The following SLC38A1 variants were observed in gnomAD, a reference collection of about 807,000 sequenced individuals.
The protein encoded by SLC38A1 is solute carrier family 38 member 1.
In SLC38A1, 18 loss-of-function variants were observed where a neutral mutation model predicts 60.3. The observed-to-expected ratio is 0.30, with a 90% CI of 0.21 to 0.44. SLC38A1 has a LOEUF of 0.44. SLC38A1 is among the 20% of genes least tolerant of loss of function. The pLI, the probability that SLC38A1 is intolerant of heterozygous loss-of-function variation, is 1.00. For missense variants in SLC38A1, 448 were observed against 587.2 expected (o/e 0.76, Z 2.45); for synonymous variants, 196 against 212.1 (o/e 0.92, Z 0.66).
At chr12:46,200,432 CAT>C (rs1161222677) in intron 13 of SLC38A1, among the ~76,000 whole-genome samples, 1 of 151,098 alleles carries the variant, frequency 6.6e-6, no homozygotes, top group Admixed American at 6.6e-5. Flanking sequence ...TATATATACA[CAT>C]ATATATATTT....
chr12:46,199,546 T>TG (rs1160033767), intron 13 of SLC38A1, among the ~76,000 whole-genome samples: 9 of 149,314 alleles, frequency 6.0e-5, no homozygotes, highest in Non-Finnish European at 1.3e-4. Context: ...TTTGTAGAGA[T>TG]GGGGGTCTCA....
chr12:46,261,395 T>C (rs1245552756), intron 1 of SLC38A1, among the ~76,000 whole-genome samples: 2 of 152,220 alleles, frequency 1.3e-5, no homozygotes, highest in Non-Finnish European at 2.9e-5. Flanking sequence ...ATCTTTTTAT[T>C]TACAATTTCA....
At chr12:46,258,924 G>C (rs1225947518) in intron 1 of SLC38A1, among the ~76,000 whole-genome samples, 1 of 152,180 alleles carries the variant, frequency 6.6e-6, no homozygotes, top group Non-Finnish European at 1.5e-5. Context: ...AAAGTGCTGG[G>C]ATTACAGGCG....
chr12:46,195,283 A>T (rs1939318026), intron 16 of SLC38A1, among the ~76,000 whole-genome samples: 1 of 152,168 alleles, frequency 6.6e-6, no homozygotes, highest in Non-Finnish European at 1.5e-5. Flanking sequence ...AGAATAGCAA[A>T]TATTGCTGCC....
intron 12 of SLC38A1, among the ~76,000 whole-genome samples, chr12:46,202,170 T>C (rs1480286471): frequency 6.9e-6 from 1 of 144,726 alleles, no homozygotes; most frequent in Non-Finnish European, 1.5e-5. Context: ...ACAGCCTGGG[T>C]GACAGAGGGA....
chr12:46,256,165 CA>C (rs61078872), intron 1 of SLC38A1, among the ~76,000 whole-genome samples: 16,272 of 69,188 alleles, frequency 0.24, 938 homozygotes, highest in African/African-American at 0.32. Flanking sequence ...GGTTCTATCT[CA>C]AAAAAAAAAA....
At position 46,186,248 on chromosome 12, in the gene SLC38A1, A is replaced by C. The variant is rs182567659; in HGVS notation, c.*2722T>G. The C allele has an allele frequency of 6.6e-6, 1 of 152,186 alleles. No individual in the cohort carries two copies. The allele number at this position is 152,186 out of a possible 1,614,324, so 9.4% of individuals were successfully genotyped here. A position where few individuals can be genotyped will look rare whatever the true frequency, so the allele number is the denominator to read the frequency against. On this transcript the variant is annotated 3_prime_UTR_variant, in exon 17 of 17. Coordinates refer to ENST00000398637, the MANE Select transcript of SLC38A1 (RefSeq NM_030674.4). ...TATTTCATCAGCCCCACTTCCAATA[A>C]GTAACATTAAGTAAATTAGGGATTG...
In SLC38A1 at chr12:46,198,684, T is replaced by G; in HGVS notation, c.1063A>C (p.Thr355Pro). The G allele has an allele frequency of 6.8e-6, 11 of 1,613,668 alleles. No individual in the cohort carries two copies. The highest frequency in any genetic ancestry group is 9.3e-6 in the Non-Finnish European group (11 of 1,179,864). The change falls in exon 14 of 17, where the codon ACA becomes CCA. Residue 355 changes from threonine to proline, a missense_variant. Physicochemically the swap from Thr to Pro is conservative, Grantham distance 38. Coordinates refer to ENST00000398637, the MANE Select transcript of SLC38A1 (RefSeq NM_030674.4). The stretch of plus-strand genomic sequence containing the variant: ...GCAACAATGACAGCCAGCCGCACTG[T>G]CAGGATGAGAATGTCATCTTTACTC... ...YQSKDDILIL[T>P]VRLAVIVAVI...
chr12:46,210,632 T>G (rs1354366291), intron 5 of SLC38A1, among the ~76,000 whole-genome samples: 1 of 152,112 alleles, frequency 6.6e-6, no homozygotes, highest in African/African-American at 2.4e-5. Flanking sequence ...GGGAGATAAT[T>G]GAATCATGGG....
intron 1 of SLC38A1, among the ~76,000 whole-genome samples, chr12:46,251,326 C>T (rs1320388348): frequency 1.3e-5 from 2 of 152,178 alleles, no homozygotes; most frequent in African/African-American, 4.8e-5. Context: ...CTTCTTGACA[C>T]CTTATACAAA....
chr12:46,242,606 A>G (rs945165151), intron 2 of SLC38A1, among the ~76,000 whole-genome samples: 26 of 151,432 alleles, frequency 1.7e-4, no homozygotes, highest in Non-Finnish European at 3.4e-4. Context: ...TACAAAAAAC[A>G]AACAACAACA....
intron 6 of SLC38A1, 57 bp downstream of exon 6, chr12:46,208,997 C>T (rs958460122): frequency 9.2e-6 from 11 of 1,191,400 alleles, no homozygotes; most frequent in Admixed American, 5.3e-5. Context: ...TTCCACAATG[C>T]TACCATAAAA....
chr12:46,251,307 A>G (rs578051759), intron 1 of SLC38A1, among the ~76,000 whole-genome samples: 26 of 152,228 alleles, frequency 1.7e-4, no homozygotes, highest in Non-Finnish European at 3.7e-4. Flanking sequence ...GAAAGCTGAA[A>G]CTGGATCCCT....
rs945090283 is a variant in SLC38A1, at chr12:46,201,746, A to C, written c.903-548T>G. 6.6e-5 allele frequency among the ~76,000 whole-genome samples: 10 copies of C among 151,810 alleles called. 1 individual carries two copies. Among genetic ancestry groups the C allele is most frequent in the Non-Finnish European group, 2.9e-5 (2 of 67,978 alleles). On this transcript the variant is annotated intron_variant, in intron 12 of 16. Transcript: ENST00000398637. The stretch of plus-strand genomic sequence containing the variant: ...GGGCTCCATCTCTCAGGTCAAGTTC[A>C]CTCTGGGGTTGGGATGACCCTCTAA...
intron 16 of SLC38A1, chr12:46,195,871 G>T (rs1301897733): frequency 1.2e-5 from 4 of 332,170 alleles, no homozygotes; most frequent in Non-Finnish European, 2.4e-5. Context: ...GCTTCCCTTG[G>T]CTGGGAAAGG....
chr12:46,244,633 T>C (rs2138429311), intron 1 of SLC38A1, among the ~76,000 whole-genome samples: 1 of 152,334 alleles, frequency 6.6e-6, no homozygotes, highest in South Asian at 2.1e-4. Context: ...TCCTCTAGCA[T>C]GCACTTGAGA....
intron 5 of SLC38A1, among the ~76,000 whole-genome samples, chr12:46,221,955 C>T (rs1282941530): frequency 1.3e-5 from 2 of 152,042 alleles, no homozygotes; most frequent in African/African-American, 2.4e-5. Flanking sequence ...AGACAGGGTA[C>T]GGGTGGGCTC....
At chr12:46,242,998 C>T (rs1941495928) in intron 2 of SLC38A1, among the ~76,000 whole-genome samples, 1 of 151,444 alleles carries the variant, frequency 6.6e-6, no homozygotes, top group Non-Finnish European at 1.5e-5. Context: ...TGTTTTTAGC[C>T]TACTTTTTTC....
At chr12:46,266,127 G>A (rs891130985) in intron 1 of SLC38A1, among the ~76,000 whole-genome samples, 1 of 152,146 alleles carries the variant, frequency 6.6e-6, no homozygotes, top group Admixed American at 6.5e-5. Flanking sequence ...ACAAAGAGAT[G>A]AACAAGATGG....
Sources: gnomAD v4.1 joint callset for allele counts (sites outside exome capture counted in the v4.1 genomes callset) on GRCh38, gnomAD v4.1.1 for gene constraint, MANE v1.5 for transcripts, NCBI Gene and HGNC (gene_info 2026-07-23, HGNC 2026-07-21) for gene names.